The following SCFD2 variants were observed in gnomAD, a reference collection of about 807,000 sequenced individuals.
The protein encoded by SCFD2 is sec1 family domain containing 2.
Under a neutral mutation model 58.9 loss-of-function variants are expected in SCFD2, and 54 were observed. The observed-to-expected ratio is 0.92, with a 90% CI of 0.74 to 1.15. The LOEUF is 1.15. Ranked by LOEUF, SCFD2 falls within the 50% of genes most tolerant of loss-of-function variation. The probability of loss-of-function intolerance (pLI) is 0.00; values close to 1 mark genes in which losing one functional copy is unlikely to be tolerated. For synonymous variants in SCFD2, 321 were observed against 335.9 expected (o/e 0.96, Z 0.49); for missense variants, 805 against 836.6 (o/e 0.96, Z 0.47).
At chr4:53,290,544 A>T (rs1189412292) in intron 3 of SCFD2, among the ~76,000 whole-genome samples, 2 of 152,134 alleles carry the variant, frequency 1.3e-5, no homozygotes, top group African/African-American at 4.8e-5. Context: ...ATAGCCTAAC[A>T]TTATACCTCA....
chr4:53,345,954 A>G (rs1040817786), intron 2 of SCFD2, among the ~76,000 whole-genome samples: 1 of 149,152 alleles, frequency 6.7e-6, no homozygotes, highest in Non-Finnish European at 1.5e-5. Flanking sequence ...TGAGTGGATT[A>G]GGGGGGGCTT....
intron 4 of SCFD2, among the ~76,000 whole-genome samples, chr4:53,201,263 G>C (rs1242565301): frequency 1.3e-5 from 2 of 151,576 alleles, no homozygotes; most frequent in African/African-American, 2.4e-5. Context: ...CTATGAGTGA[G>C]AACATGAGGT....
intron 5 of SCFD2, among the ~76,000 whole-genome samples, chr4:52,940,805 G>A (rs1720273433): frequency 2.0e-5 from 3 of 152,170 alleles, no homozygotes; most frequent in Admixed American, 6.5e-5. Flanking sequence ...CGGAAGGGAC[G>A]AGCATTTTAA....
intron 4 of SCFD2, among the ~76,000 whole-genome samples, chr4:53,181,015 G>C (rs1727533398): frequency 6.6e-6 from 1 of 152,104 alleles, no homozygotes; most frequent in Non-Finnish European, 1.5e-5. Context: ...ATAATTAATA[G>C]CTTACCAGCC....
chr4:52,973,352 A>G (rs1721161297), intron 5 of SCFD2, among the ~76,000 whole-genome samples: 1 of 152,268 alleles, frequency 6.6e-6, no homozygotes, highest in Non-Finnish European at 1.5e-5. Context: ...TACCGATCCC[A>G]TAGAAATACA....
intron 4 of SCFD2, among the ~76,000 whole-genome samples, chr4:53,198,215 A>G (rs1728118472): frequency 6.6e-6 from 1 of 152,104 alleles, no homozygotes; most frequent in Admixed American, 6.6e-5. Context: ...TAAACAAAAC[A>G]ATAATTACTG....
chr4:52,961,975 C>T (rs1048676307), intron 5 of SCFD2, among the ~76,000 whole-genome samples: 2 of 152,144 alleles, frequency 1.3e-5, no homozygotes, highest in African/African-American at 4.8e-5. Context: ...ACTGACCCCA[C>T]GTTGGTGACT....
intron 4 of SCFD2, among the ~76,000 whole-genome samples, chr4:53,237,362 C>T (rs1208088549): frequency 6.6e-6 from 1 of 151,820 alleles, no homozygotes; most frequent in Non-Finnish European, 1.5e-5. Flanking sequence ...GGCTACACCT[C>T]CCAGACGGGG....
At chr4:53,135,374 T>C (rs1026995984) in intron 5 of SCFD2, among the ~76,000 whole-genome samples, 1 of 152,242 alleles carries the variant, frequency 6.6e-6, no homozygotes, top group African/African-American at 2.4e-5. Flanking sequence ...ATTTCAAATT[T>C]TTAAAAATCC....
chr4:53,044,489 ACTTC>A (rs536906756), intron 5 of SCFD2, among the ~76,000 whole-genome samples: 4,756 of 146,006 alleles, frequency 0.033, 239 homozygotes, highest in African/African-American at 0.11. Flanking sequence ...CTTTACAGGA[ACTTC>A]CTTCCTTCCT....
At chr4:52,973,027 G>C (rs1286582187) in intron 5 of SCFD2, among the ~76,000 whole-genome samples, 1 of 152,170 alleles carries the variant, frequency 6.6e-6, no homozygotes, top group Non-Finnish European at 1.5e-5. Flanking sequence ...AGTGTGTAGA[G>C]GGAAATTTAT....
intron 5 of SCFD2, among the ~76,000 whole-genome samples, chr4:53,133,221 G>C (rs1352439968): frequency 6.6e-6 from 1 of 151,396 alleles, no homozygotes; most frequent in East Asian, 1.9e-4. Flanking sequence ...CCAGCTACTC[G>C]GGAGGCTGAA....
At chr4:53,140,028 A>G (rs1427030999) in intron 5 of SCFD2, among the ~76,000 whole-genome samples, 1 of 151,810 alleles carries the variant, frequency 6.6e-6, no homozygotes, top group Non-Finnish European at 1.5e-5. Flanking sequence ...AAGAGTCATC[A>G]CCACTCCCTA....
intron 6 of SCFD2, among the ~76,000 whole-genome samples, chr4:52,915,859 T>G (rs960616264): frequency 6.6e-6 from 1 of 152,190 alleles, no homozygotes; most frequent in East Asian, 1.9e-4. Flanking sequence ...AACTTAGCAC[T>G]TGGAAAAGAA....
At chr4:53,357,033 A>G (rs1734421582) in intron 1 of SCFD2, among the ~76,000 whole-genome samples, 1 of 152,288 alleles carries the variant, frequency 6.6e-6, no homozygotes, top group Admixed American at 6.5e-5. Flanking sequence ...TCATTCCCAA[A>G]CAAAATTTAA....
At chr4:52,886,193 C>T (rs964496358) in intron 7 of SCFD2, among the ~76,000 whole-genome samples, 1 of 152,138 alleles carries the variant, frequency 6.6e-6, no homozygotes, top group African/African-American at 2.4e-5. Context: ...CTGTCATGTC[C>T]ATCTTTGAGC....
intron 1 of SCFD2, among the ~76,000 whole-genome samples, chr4:53,363,396 C>CAAAGTGATGGGATTACAGG (rs1321950926): frequency 7.2e-5 from 11 of 151,878 alleles, no homozygotes; most frequent in Non-Finnish European, 1.5e-5. Flanking sequence ...CAGTCTGCCC[C>CAAAGTGATGGGATTACAGG]CCTCAGCCTC....
chr4:53,206,786 C>T (rs1482559064), intron 4 of SCFD2, among the ~76,000 whole-genome samples: 2 of 152,078 alleles, frequency 1.3e-5, no homozygotes, highest in African/African-American at 2.4e-5. Flanking sequence ...TACCATCCTA[C>T]ACTACTGTGC....
At chr4:53,138,285 G>T (rs1387905169) in intron 5 of SCFD2, among the ~76,000 whole-genome samples, 1 of 152,192 alleles carries the variant, frequency 6.6e-6, no homozygotes, top group East Asian at 1.9e-4. Context: ...ACTGCTGAAA[G>T]ACAGCAGAGC....
Sources: gnomAD v4.1 joint callset for allele counts (sites outside exome capture counted in the v4.1 genomes callset) on GRCh38, gnomAD v4.1.1 for gene constraint, MANE v1.5 for transcripts, NCBI Gene and HGNC (gene_info 2026-07-23, HGNC 2026-07-21) for gene names.